ELOVL5: variants seen among roughly 807,000 people sequenced by gnomAD.
The protein encoded by ELOVL5 is ELOVL fatty acid elongase 5, also known as very long chain fatty acid elongase 5.
ELOVL5 carries 8 observed loss-of-function variants against 38.6 expected under a neutral mutation model. The ratio of observed to expected loss-of-function variants is 0.21; its 90% CI spans 0.12 to 0.37. The LOEUF (loss-of-function observed/expected upper bound fraction) is 0.37. Among genes scored for constraint, ELOVL5 ranks in the 10% least tolerant of loss-of-function variants. The pLI is 1.00. For missense variants in ELOVL5, 280 were observed against 367.8 expected (o/e 0.76, Z 1.95); for synonymous variants, 127 against 133.7 (o/e 0.95, Z 0.34).
At chr6:53,312,455 T>C (rs554002756) in intron 1 of ELOVL5, among the ~76,000 whole-genome samples, 4 of 152,342 alleles carry the variant, frequency 2.6e-5, no homozygotes, top group South Asian at 2.1e-4. Flanking sequence ...TAAAACACTT[T>C]TGAAATGACA....
At chr6:53,274,574 A>G (rs1349964874) in intron 5 of ELOVL5, among the ~76,000 whole-genome samples, 3 of 152,244 alleles carry the variant, frequency 2.0e-5, no homozygotes, top group Non-Finnish European at 4.4e-5. Context: ...CCAAAAACCA[A>G]GTACAACCTT....
rs116413570 is a variant in ELOVL5 at position 53,328,846 on chromosome 6, G to A, written c.-9+19971C>T. ...TCTTCGTTTACTCCTTGTTGTTTTG[G>A]GTTTTTACTTTAAAAACTGACCACT... is the stretch of plus-strand genomic sequence containing the variant. On this transcript the variant is annotated intron_variant, in intron 1 of 7. Coordinates refer to ENST00000304434, the MANE Select transcript of ELOVL5 (RefSeq NM_021814.5). Among the ~76,000 whole-genome samples the A allele has an allele frequency of 4.3e-3, 659 of 152,174 alleles. 8 individuals are homozygous for A. Among genetic ancestry groups the A allele is most frequent in the African/African-American group, 0.015 (636 of 41,524 alleles).
intron 1 of ELOVL5, among the ~76,000 whole-genome samples, chr6:53,300,265 T>C (rs1224753417): frequency 6.6e-6 from 1 of 152,168 alleles, no homozygotes; most frequent in Non-Finnish European, 1.5e-5. Flanking sequence ...TACAACCTCA[T>C]GTTTGTCAAG....
intron 1 of ELOVL5, among the ~76,000 whole-genome samples, chr6:53,307,579 C>T (rs539519104): frequency 6.6e-6 from 1 of 152,322 alleles, no homozygotes; most frequent in East Asian, 1.9e-4. Context: ...CTGGAGTTCC[C>T]TGCAAGGTCC....
chr6:53,338,839 T>C (rs1196114894), intron 1 of ELOVL5, among the ~76,000 whole-genome samples: 1 of 152,232 alleles, frequency 6.6e-6, no homozygotes, highest in Admixed American at 6.5e-5. Context: ...TTTGAGGAAA[T>C]TATCAATTGA....
At chr6:53,332,981 A>G (rs1768873707) in intron 1 of ELOVL5, among the ~76,000 whole-genome samples, 3 of 152,236 alleles carry the variant, frequency 2.0e-5, no homozygotes, top group Admixed American at 2.0e-4. Context: ...GCAGGTCAGC[A>G]AGGGGGAGAG....
chr6:53,308,903 A>C, intron 1 of ELOVL5, among the ~76,000 whole-genome samples: 1 of 138,060 alleles, frequency 7.2e-6, no homozygotes, highest in Non-Finnish European at 1.6e-5. Flanking sequence ...GGGGGCGGGG[A>C]GGCAATCATA....
chr6:53,294,587 C>T lies in ELOVL5; in HGVS notation c.58+1055G>A, dbSNP rs892473084. On this transcript the variant is annotated intron_variant, in intron 2 of 7. Transcript: ENST00000304434. ...TACGGAATTGCTCCACCTGGTAATG[C>T]AAGCTAATAATTATTATTATTATTT... 4 of 1,396,608 alleles carry T rather than the reference C, an allele frequency of 2.9e-6. No individual in the cohort carries two copies. The African/African-American group carries it at 5.8e-5, about 20-fold the overall frequency. 86.5% of individuals were successfully genotyped at this position (1,396,608 alleles called of 1,614,324 possible). A position where few individuals can be genotyped will look rare whatever the true frequency, so the allele number is the denominator to read the frequency against.
intron 1 of ELOVL5, among the ~76,000 whole-genome samples, chr6:53,322,846 T>G (rs1022559606): frequency 6.6e-6 from 1 of 152,256 alleles, no homozygotes; most frequent in Non-Finnish European, 1.5e-5. Flanking sequence ...CAGATTGCAA[T>G]GCTTCACTAA....
Position 53,271,397 on chromosome 6 carries a change from A to G in ELOVL5, c.622-670T>C, listed in dbSNP as rs1765916203. 3.3e-5 allele frequency among the ~76,000 whole-genome samples: 5 copies of G among 152,306 alleles called. No homozygotes were observed. The South Asian group carries it at 1.0e-3, about 32-fold the overall frequency. ...AAACCCTGTCTCTACTAAAAATACA[A>G]AAATTAGCTGGGTATGGTGGCACAC... On this transcript the variant is annotated intron_variant, in intron 6 of 7. Transcript: ENST00000304434.
At chr6:53,335,575 T>C (rs1456432572) in intron 1 of ELOVL5, among the ~76,000 whole-genome samples, 1 of 152,106 alleles carries the variant, frequency 6.6e-6, no homozygotes, top group Admixed American at 6.6e-5. Context: ...CTCAGAGGCC[T>C]TGTCACTGTA....
chr6:53,337,803 T>C (rs952693979), intron 1 of ELOVL5, among the ~76,000 whole-genome samples: 21 of 152,152 alleles, frequency 1.4e-4, no homozygotes, highest in African/African-American at 4.8e-4. Flanking sequence ...GGATCTGACA[T>C]GCTATGGAAG....
chr6:53,316,979 A>G (rs1471728944), intron 1 of ELOVL5, among the ~76,000 whole-genome samples: 1 of 152,238 alleles, frequency 6.6e-6, no homozygotes, highest in Non-Finnish European at 1.5e-5. Context: ...CTGTACTGAC[A>G]TGTTCTCTTA....
chr6:53,289,828 C>T lies in ELOVL5; in HGVS notation c.246+1948G>A, dbSNP rs537148887. 4.6e-5 allele frequency among the ~76,000 whole-genome samples: 7 copies of T among 152,300 alleles called. No homozygotes were observed. In the South Asian group the frequency reaches 8.3e-4, roughly 18 times the overall value. On this transcript the variant is annotated intron_variant, in intron 3 of 7. Coordinates refer to ENST00000304434, the MANE Select transcript of ELOVL5 (RefSeq NM_021814.5). ...TTTACAATATGTACAGGAGAAAACT[C>T]GGACAAAAACCAAATGTGAATACCA...
chr6:53,290,103 A>C (rs1280857475), intron 3 of ELOVL5: 1 of 152,206 alleles, frequency 6.6e-6, no homozygotes, highest in Non-Finnish European at 1.5e-5. Flanking sequence ...ACCTTCTATT[A>C]CAATGTGTTC....
At chr6:53,303,612 G>A (rs1160021135) in intron 1 of ELOVL5, among the ~76,000 whole-genome samples, 1 of 152,160 alleles carries the variant, frequency 6.6e-6, no homozygotes, top group African/African-American at 2.4e-5. Flanking sequence ...ATTCTACAAA[G>A]CACTGCCACA....
At chr6:53,346,456 G>A (rs1007558204) in intron 1 of ELOVL5, among the ~76,000 whole-genome samples, 2 of 152,138 alleles carry the variant, frequency 1.3e-5, no homozygotes, top group Non-Finnish European at 2.9e-5. Flanking sequence ...TAAGAATTAC[G>A]TGTGGAAAGC....
intron 1 of ELOVL5, among the ~76,000 whole-genome samples, chr6:53,337,757 G>C (rs1273128883): frequency 6.6e-6 from 1 of 152,202 alleles, no homozygotes; most frequent in Admixed American, 6.5e-5. Flanking sequence ...GAAAACAGAG[G>C]CAAGGAGCCA....
At chr6:53,331,021 T>C (rs9370198) in intron 1 of ELOVL5, among the ~76,000 whole-genome samples, 55,266 of 151,778 alleles carry the variant, frequency 0.36, 11,151 homozygotes, top group African/African-American at 0.55. Flanking sequence ...CTTTATTTTT[T>C]GGTTAAGTAG....
Sources: gnomAD v4.1 joint callset for allele counts (sites outside exome capture counted in the v4.1 genomes callset) on GRCh38, gnomAD v4.1.1 for gene constraint, MANE v1.5 for transcripts, NCBI Gene and HGNC (gene_info 2026-07-23, HGNC 2026-07-21) for gene names.